The following MFN2 variants were observed in gnomAD, a reference collection of about 807,000 sequenced individuals.
MFN2 encodes mitofusin-2.
Under a neutral mutation model 87.5 loss-of-function variants are expected in MFN2, and 43 were observed. That is an observed-to-expected ratio of 0.49 (90% confidence interval 0.38 to 0.63). The LOEUF is 0.63. MFN2 is among the 30% of genes least tolerant of loss of function. The pLI, the probability that MFN2 is intolerant of heterozygous loss-of-function variation, is 0.00. For missense variants in MFN2, 743 were observed against 972.8 expected, an observed-to-expected ratio of 0.76 and a Z score of 3.14; for synonymous variants, 337 against 359.9, an observed-to-expected ratio of 0.94 and a Z score of 0.72.
At chr1:11,995,281 A>C (rs1361329756) in intron 4 of MFN2, among the ~76,000 whole-genome samples, 1 of 150,730 alleles carries the variant, frequency 6.6e-6, no homozygotes, top group Non-Finnish European at 1.5e-5. Flanking sequence ...AAAAACAAAC[A>C]ACAACAACAA....
chr1:11,982,835 G>A (rs1646010212), intron 2 of MFN2, among the ~76,000 whole-genome samples: 1 of 152,180 alleles, frequency 6.6e-6, no homozygotes, highest in East Asian at 1.9e-4. Flanking sequence ...GGTAGGGGCA[G>A]GAGAGTACCA....
intron 2 of MFN2, among the ~76,000 whole-genome samples, chr1:11,985,763 T>A (rs1638374418): frequency 6.6e-6 from 1 of 152,144 alleles, no homozygotes; most frequent in Middle Eastern, 3.2e-3. Context: ...CCACCGTGCC[T>A]GACCCCTGAT....
chr1:12,010,030 T>C (rs1639621376), intron 18 of MFN2, among the ~76,000 whole-genome samples: 1 of 152,114 alleles, frequency 6.6e-6, no homozygotes, highest in South Asian at 2.1e-4. Flanking sequence ...GGTGTGTGCT[T>C]GTAATCCCAG....
At chr1:12,002,664 GGCAACA>G (rs1351289310) in intron 11 of MFN2, among the ~76,000 whole-genome samples, 1 of 152,200 alleles carries the variant, frequency 6.6e-6, no homozygotes, top group Non-Finnish European at 1.5e-5. Context: ...CTCCAGCCTG[GGCAACA>G]GAGTGAGACC....
At chr1:11,983,451 A>T (rs1638223959) in intron 2 of MFN2, among the ~76,000 whole-genome samples, 1 of 152,180 alleles carries the variant, frequency 6.6e-6, no homozygotes, top group African/African-American at 2.4e-5. Flanking sequence ...AGTTCTGTGG[A>T]CCACGCTTTG....
At position 12,001,505 on chromosome 1, in the gene MFN2, G is replaced by A; in HGVS notation, c.921G>A (p.Lys307=). The A allele has an allele frequency of 6.2e-7, 1 of 1,614,238 alleles. No homozygotes were observed. Among genetic ancestry groups the A allele is most frequent in the Non-Finnish European group, 8.5e-7 (1 of 1,180,036 alleles). The part of the protein sequence containing the change: ...AGDRIFFVSA[K]EVLNARIQKA... ...ACCGCATCTTCTTTGTGTCTGCTAAGGAGGTGCTCAACGCCAGGATTCAGA... is the reference window on the plus strand; with the variant it reads ...ACCGCATCTTCTTTGTGTCTGCTAAAGAGGTGCTCAACGCCAGGATTCAGA... Residue 307 remains lysine (K), a synonymous_variant, in exon 9 of 19, where the codon AAG becomes AAA. Coordinates refer to ENST00000235329, the MANE Select transcript of MFN2 (RefSeq NM_014874.4).
rs1169574923 is a variant in MFN2, at chr1:12,003,759, G to A, written c.1161-233G>A. Among the ~76,000 whole-genome samples the A allele has an allele frequency of 1.3e-5, 2 of 151,920 alleles. No individual in the cohort carries two copies. Among genetic ancestry groups the A allele is most frequent in the African/African-American group, 2.4e-5 (1 of 41,358 alleles). Reference sequence around the variant, plus strand: ...GAATTTGTTTAAACCCCCTTAAAGCGCCCTCCCTGTTTTGTGCCCACCACC... The same window carrying A: ...GAATTTGTTTAAACCCCCTTAAAGCACCCTCCCTGTTTTGTGCCCACCACC... On this transcript the variant is annotated intron_variant, in intron 11 of 18. Transcript: ENST00000235329. This position sits in a 1 kb window ranked among gnomAD's most constrained non-coding sequence, Gnocchi z 4.1.
intron 4 of MFN2, among the ~76,000 whole-genome samples, chr1:11,993,773 GTTTT>G (rs555633171): frequency 6.6e-6 from 1 of 151,354 alleles, no homozygotes; most frequent in South Asian, 2.1e-4. Flanking sequence ...TTAAATACGT[GTTTT>G]TTTTGTTTTG....
chr1:11,985,861 A>G (rs55836788), intron 2 of MFN2, among the ~76,000 whole-genome samples: 1,553 of 152,288 alleles, frequency 0.01, 12 homozygotes, highest in Middle Eastern at 0.031. Context: ...GGCCATGGCA[A>G]GCCTCATTTC....
intron 4 of MFN2, among the ~76,000 whole-genome samples, chr1:11,995,316 AT>A (rs2100820157): frequency 1.3e-5 from 2 of 152,196 alleles, no homozygotes; most frequent in South Asian, 4.1e-4. Context: ...ACCAGAATAC[AT>A]GAAAGGGGTG....
chr1:11,985,115 A>C (rs1035416209), intron 2 of MFN2, among the ~76,000 whole-genome samples: 20 of 152,156 alleles, frequency 1.3e-4, no homozygotes, highest in African/African-American at 4.6e-4. Flanking sequence ...GTGGGATCTG[A>C]CACTCTCTCC....
Position 12,008,231 on chromosome 1 carries a change from G to A in MFN2, c.2069+982G>A, listed in dbSNP as rs963373663. ...TTTTCTATTCGACAAAACCGCCATC[G>A]TCACCATGGCCCGTTCTCAATGAGC... On this transcript the variant is annotated intron_variant, in intron 17 of 18. Transcript: ENST00000235329. Among the ~76,000 whole-genome samples the A allele has an allele frequency of 3.3e-5, 5 of 152,250 alleles. No homozygotes were observed. The South Asian group carries it at 6.2e-4, about 19-fold the overall frequency.
At chr1:11,988,415 T>G (rs970569717) in intron 2 of MFN2, among the ~76,000 whole-genome samples, 90 of 151,368 alleles carry the variant, frequency 5.9e-4, no homozygotes, top group African/African-American at 2.2e-3. Flanking sequence ...TTTTTTTTTT[T>G]TTTTTAAATA....
chr1:11,997,617 C>T (rs1638968955), intron 6 of MFN2, among the ~76,000 whole-genome samples, 196 bp downstream of exon 6: 1 of 152,058 alleles, frequency 6.6e-6, no homozygotes, highest in African/African-American at 2.4e-5. Context: ...TTATCAGTAC[C>T]CTGCAGATGT....
At chr1:12,008,337 G>GC (rs1230578108) in intron 17 of MFN2, among the ~76,000 whole-genome samples, 1 of 151,566 alleles carries the variant, frequency 6.6e-6, no homozygotes, top group African/African-American at 2.4e-5. Flanking sequence ...GGGCAGAGGC[G>GC]CCCCCCACCT....
intron 11 of MFN2, among the ~76,000 whole-genome samples, 159 bp downstream of exon 11, chr1:12,002,262 T>C (rs951476304): frequency 1.3e-5 from 2 of 152,244 alleles, no homozygotes; most frequent in South Asian, 2.1e-4. Flanking sequence ...TAGAACCACA[T>C]AGACAGCCTG....
At chr1:11,992,465 T>A in intron 3 of MFN2, 90 bp from the exon 4 acceptor site, 1 of 1,544,206 alleles carries the variant, frequency 6.5e-7, no homozygotes, top group Non-Finnish European at 9.0e-7. Context: ...TCGTTTAGGG[T>A]AAGCAGGGCC....
chr1:11,997,120 A>G (rs898936224), intron 5 of MFN2, among the ~76,000 whole-genome samples, 177 bp from the exon 6 acceptor site: 1 of 152,094 alleles, frequency 6.6e-6, no homozygotes, highest in African/African-American at 2.4e-5. Context: ...TCAAAAGAGC[A>G]GTGAAGAAAG....
chr1:11,997,508 C>T (rs1013576807), intron 6 of MFN2, 87 bp downstream of exon 6: 2 of 1,566,800 alleles, frequency 1.3e-6, no homozygotes, highest in Non-Finnish European at 1.8e-6. Flanking sequence ...GTCCCTGGGC[C>T]CCATCCTTGC....
Sources: allele counts gnomAD v4.1 joint callset (sites outside exome capture counted in the v4.1 genomes callset), GRCh38; gene constraint gnomAD v4.1.1; non-coding constraint Gnocchi (gnomAD v3.1); transcripts MANE v1.5; gene names NCBI Gene and HGNC (gene_info 2026-07-23, HGNC 2026-07-21).